The following PPP4R1 variants were observed in gnomAD, a reference collection of about 807,000 sequenced individuals.
The protein encoded by PPP4R1 is protein phosphatase 4 regulatory subunit 1, also known as serine/threonine-protein phosphatase 4 regulatory subunit 1.
Under a neutral mutation model 111.2 loss-of-function variants are expected in PPP4R1, and 42 were observed. The ratio of observed to expected loss-of-function variants is 0.38; its 90% confidence interval spans 0.29 to 0.49. The LOEUF (loss-of-function observed/expected upper bound fraction) is 0.49. Among genes scored for constraint, PPP4R1 ranks in the 20% least tolerant of loss-of-function variants. The pLI is 0.97. For missense variants in PPP4R1, 1,012 were observed against 1,161.6 expected, an observed-to-expected ratio of 0.87 and a Z score of 1.87; for synonymous variants, 409 against 405.5, an observed-to-expected ratio of 1.01 and a Z score of -0.10.
At chr18:9,576,753 A>C (rs1036209947) in intron 10 of PPP4R1, among the ~76,000 whole-genome samples, 1 of 66,636 alleles carries the variant, frequency 1.5e-5, no homozygotes, top group Non-Finnish European at 3.1e-5. Flanking sequence ...TGAATGATTG[A>C]CTAAATAATG....
chr18:9,614,574 G>A (rs902421423), upstream of PPP4R1: 24 of 880,816 alleles, frequency 2.7e-5, no homozygotes, highest in Admixed American at 6.3e-5. This position sits in a 1 kb window ranked among gnomAD's most constrained non-coding sequence, Gnocchi z 4.1. Flanking sequence ...GCGCGCGGGA[G>A]GGGCGGCGGG....
At chr18:9,582,304 C>G (rs547353355) in intron 9 of PPP4R1, among the ~76,000 whole-genome samples, 6 of 144,828 alleles carry the variant, frequency 4.1e-5, no homozygotes, top group Non-Finnish European at 9.2e-5. Flanking sequence ...GGCCAAGAAA[C>G]AGAGACAAGA....
At chr18:9,567,265 T>C (rs1234914843) in intron 11 of PPP4R1, among the ~76,000 whole-genome samples, 4 of 152,156 alleles carry the variant, frequency 2.6e-5, no homozygotes, top group African/African-American at 9.7e-5. Flanking sequence ...GAAGTAACTG[T>C]AGGTAGGGTA....
At position 9,557,246 on chromosome 18, in the gene PPP4R1, A is replaced by G; in HGVS notation, c.2165T>C (p.Leu722Pro). ...CTTCAGAAAATCATGCAAGTGTTTA[A>G]GAACACCTATCCTGACTTCATCGAG... ...KDLDEVRIGVLKHLHDFLKLL... is the reference protein window; with the variant it reads ...KDLDEVRIGVPKHLHDFLKLL... Residue 722 changes from leucine to proline, a missense_variant, in exon 15 of 20, where the codon CTT becomes CCT. Physicochemically the swap from Leu to Pro is moderately conservative, Grantham distance 98 (BLOSUM62 -3). Transcript: ENST00000400556. The G allele has an allele frequency of 6.3e-7, 1 of 1,590,978 alleles. No individual in the cohort carries two copies. The highest frequency in any genetic ancestry group is 8.5e-7 in the Non-Finnish European group (1 of 1,173,920).
At chr18:9,550,243 T>A in intron 17 of PPP4R1, 35 bp downstream of exon 17, 1 of 1,613,918 alleles carries the variant, frequency 6.2e-7, no homozygotes, top group East Asian at 2.2e-5. Flanking sequence ...ATCTTAGAGT[T>A]TGCTGATCTA....
chr18:9,548,066 C>G (rs2066427726), intron 19 of PPP4R1, 114 bp from the exon 20 acceptor site: 1 of 1,064,698 alleles, frequency 9.4e-7, no homozygotes, highest in Non-Finnish European at 1.3e-6. Context: ...TACAAACAAG[C>G]CACACTGAAA....
rs999313867 is a variant in PPP4R1, at chr18:9,614,456, C to G, written c.7+22G>C. On this transcript the variant is annotated intron_variant, in intron 1 of 19. Transcript: ENST00000400556. The surrounding 1 kb of genome is among the most constrained non-coding windows in gnomAD (Gnocchi z 4.1). ...GTGGGCTCGAGGAGCCGCCGCCGCC[C>G]GGAGAACAGGGGGCCACGTACCCGC... The G allele has an allele frequency of 9.7e-7, 1 of 1,030,608 alleles. No homozygotes were observed. The allele number at this position is 1,030,608 out of a possible 1,614,324, so 63.8% of individuals were successfully genotyped here. A position where few individuals can be genotyped will look rare whatever the true frequency, so the allele number is the denominator to read the frequency against.
rs781709413 is a variant in PPP4R1, at chr18:9,563,389, C to T, written c.1735G>A (p.Asp579Asn). The T allele has an allele frequency of 2.3e-5, 37 of 1,611,148 alleles. No homozygotes were observed. The highest frequency in any genetic ancestry group is 5.0e-5 in the Admixed American group (3 of 59,720). ...ACTGAGTTTGTTACCTCAACAGCAT[C>T]GCTGATTAAAGGCACAGAATCTTCT... is the stretch of plus-strand genomic sequence containing the variant. ...NQEDSVPLIS[D>N]AVENMDSTLH... The change falls in exon 12 of 20, where the codon GAT (aspartate) becomes AAT (asparagine). Residue 579 changes from aspartate to asparagine, a missense_variant. Around this residue, in one of 2 missense-constraint regions of PPP4R1, gnomAD observed 707 missense variants for 742.1 expected, o/e 0.95. Coordinates refer to ENST00000400556, the MANE Select transcript of PPP4R1 (RefSeq NM_001042388.3).
chr18:9,603,279 AATG>A (rs1476981388), intron 2 of PPP4R1, among the ~76,000 whole-genome samples: 2 of 121,508 alleles, frequency 1.6e-5, no homozygotes, highest in African/African-American at 7.9e-5. Flanking sequence ...GAAAAGTAGA[AATG>A]ATGTTAAGTA....
intron 8 of PPP4R1, 135 bp downstream of exon 8, chr18:9,584,380 A>T: frequency 2.8e-6 from 2 of 716,764 alleles, no homozygotes; most frequent in Non-Finnish European, 2.1e-6. Flanking sequence ...TTAAACTCCT[A>T]AATTCAAAAT....
intron 2 of PPP4R1, among the ~76,000 whole-genome samples, chr18:9,607,851 C>G (rs1333563248): frequency 6.8e-6 from 1 of 147,196 alleles, no homozygotes; most frequent in South Asian, 2.1e-4. Context: ...GATGCAATCT[C>G]GGCTCACTGC....
chr18:9,553,801 G>A (rs756522905), intron 15 of PPP4R1, among the ~76,000 whole-genome samples: 1 of 152,230 alleles, frequency 6.6e-6, no homozygotes, highest in African/African-American at 2.4e-5. Flanking sequence ...TGCGTGTGAC[G>A]CTGTGACAGC....
intron 2 of PPP4R1, among the ~76,000 whole-genome samples, chr18:9,608,849 A>G (rs1417745336): frequency 6.6e-6 from 1 of 152,250 alleles, no homozygotes; most frequent in Non-Finnish European, 1.5e-5. Flanking sequence ...AGAGAAAAGG[A>G]CCAGAAATAA....
chr18:9,611,913 AG>A (rs2067586767), intron 2 of PPP4R1, among the ~76,000 whole-genome samples: 1 of 152,092 alleles, frequency 6.6e-6, no homozygotes, highest in South Asian at 2.1e-4. Flanking sequence ...TGGGAGGCTG[AG>A]GCAGGAGAAT....
intron 2 of PPP4R1, among the ~76,000 whole-genome samples, chr18:9,601,537 A>T (rs559128543): frequency 8.7e-4 from 132 of 152,116 alleles, no homozygotes; most frequent in Non-Finnish European, 6.5e-4. Flanking sequence ...AAAATAAATA[A>T]ATAATTTTTT....
Position 9,584,743 on chromosome 18 carries a change from C to A in PPP4R1, c.671G>T (p.Cys224Phe). The change falls in exon 7 of 20, where the codon TGC (cysteine) becomes TTC (phenylalanine). Residue 224 changes from cysteine to phenylalanine, a missense_variant. Coordinates refer to ENST00000400556, the MANE Select transcript of PPP4R1 (RefSeq NM_001042388.3). ...TACCTTTCGAACGTGAAACATTCTG[C>A]AATCGCAGCACATCTCACAAAACCT... The part of the protein sequence containing the change: ...LPRFCEMCCD[C>F]RMFHVRKVCA... 6.2e-7 allele frequency: 1 copy of A among 1,613,682 alleles called. No individual in the cohort carries two copies. Among genetic ancestry groups the A allele is most frequent in the South Asian group, 1.1e-5 (1 of 91,006 alleles).
upstream of PPP4R1, chr18:9,614,789 C>G (rs2067664388): frequency 1.3e-5 from 2 of 148,476 alleles, no homozygotes. This position sits in a 1 kb window ranked among gnomAD's most constrained non-coding sequence, Gnocchi z 4.1. Flanking sequence ...CGGCGACGCG[C>G]GCTCACACCC....
chr18:9,614,328 CCCCCCCCCGCCCGCCT>C lies in PPP4R1; in HGVS notation c.8-74_8-59del. 2 of 1,102,630 alleles carry C rather than the reference CCCCCCCCCGCCCGCCT, an allele frequency of 1.8e-6. No homozygotes were observed. Among genetic ancestry groups the C allele is most frequent in the Non-Finnish European group, 2.2e-6 (2 of 896,986 alleles). The allele number at this position is 1,102,630 out of a possible 1,614,324, so 68.3% of individuals were successfully genotyped here. A position where few individuals can be genotyped will look rare whatever the true frequency, so the allele number is the denominator to read the frequency against. On this transcript the variant is annotated intron_variant, in intron 1 of 19. Coordinates refer to ENST00000400556, the MANE Select transcript of PPP4R1 (RefSeq NM_001042388.3). This position sits in a 1 kb window ranked among gnomAD's most constrained non-coding sequence, Gnocchi z 4.1. ...AGCGCCCCGGGGCCCGGCGCGACGC[CCCCCCCCCGCCCGCCT>C]CCCCCCCGCCCCGGGGGCGCCTTCC...
rs2066713145 is a variant in PPP4R1, at chr18:9,563,552, T to TAC, written c.1574-4_1574-3dup. 6.3e-7 allele frequency: 1 copy of TAC among 1,578,562 alleles called. No individual in the cohort carries two copies. The highest frequency in any genetic ancestry group is 1.4e-5 in the African/African-American group (1 of 73,702). ...CAGCGGACAGCACTTCCACTTGTGC[T>TAC]ACAGGCAAAATAAGGAAATGGACAA... is the stretch of plus-strand genomic sequence containing the variant. On this transcript the variant is annotated splice_region_variant and splice_polypyrimidine_tract_variant and intron_variant, in intron 11 of 19. Transcript: ENST00000400556.
Sources: allele counts gnomAD v4.1 joint callset (sites outside exome capture counted in the v4.1 genomes callset), GRCh38; gene constraint gnomAD v4.1.1; regional missense constraint gnomAD v4.1.1; non-coding constraint Gnocchi (gnomAD v3.1); transcripts MANE v1.5; gene names NCBI Gene and HGNC (gene_info 2026-07-23, HGNC 2026-07-21).